KCND2: variants seen among roughly 807,000 people sequenced by gnomAD.
The protein encoded by KCND2 is A-type voltage-gated potassium channel KCND2.
KCND2 carries 16 observed loss-of-function variants against 54.4 expected under a neutral mutation model. The observed-to-expected ratio is 0.29, with a 90% CI of 0.20 to 0.45. The LOEUF is 0.45. Ranked by LOEUF, KCND2 falls within the 20% of genes least tolerant of loss-of-function variation. KCND2 has a pLI of 1.00. For missense variants in KCND2, 486 were observed against 824.2 expected (o/e 0.59, Z 5.02); for synonymous variants, 317 against 310.7 (o/e 1.02, Z -0.21).
At chr7:120,338,730 A>C (rs1408920823) in intron 1 of KCND2, among the ~76,000 whole-genome samples, 2 of 152,100 alleles carry the variant, frequency 1.3e-5, no homozygotes, top group Admixed American at 6.6e-5. Context: ...TAGTTGTATA[A>C]TTGTTTTAAA....
chr7:120,747,980 T>G lies in KCND2; in HGVS notation c.*122T>G. 1 of 815,586 alleles carries G rather than the reference T, an allele frequency of 1.2e-6. No homozygotes were observed. Among genetic ancestry groups the G allele is most frequent in the Non-Finnish European group, 2.0e-6 (1 of 502,724 alleles). 50.5% of individuals were successfully genotyped at this position (815,586 alleles called of 1,614,324 possible). ...TGCAGCAAAGAAAGAAGGTTGGTAG[T>G]GAAACACAAAGCTTCCAATCTTAAG... is the stretch of plus-strand genomic sequence containing the variant. On this transcript the variant is annotated 3_prime_UTR_variant, in exon 6 of 6. Transcript: ENST00000331113.
At chr7:120,725,769 A>G (rs1011721699) in intron 1 of KCND2, among the ~76,000 whole-genome samples, 3 of 152,314 alleles carry the variant, frequency 2.0e-5, no homozygotes, top group Admixed American at 6.5e-5. Flanking sequence ...TAAGTATTCA[A>G]ATGAGAAGTT....
intron 1 of KCND2, among the ~76,000 whole-genome samples, chr7:120,501,155 C>T (rs1444093683): frequency 6.6e-6 from 1 of 152,078 alleles, no homozygotes; most frequent in African/African-American, 2.4e-5. Context: ...TATGCTTTGA[C>T]ATACATCATC....
At chr7:120,512,133 T>C (rs557583029) in intron 1 of KCND2, among the ~76,000 whole-genome samples, 1 of 152,192 alleles carries the variant, frequency 6.6e-6, no homozygotes, top group Admixed American at 6.5e-5. Context: ...TCAGTTCACT[T>C]TTGAGAGCAG....
intron 1 of KCND2, among the ~76,000 whole-genome samples, chr7:120,501,532 ATCACCT>A (rs1230718244): frequency 1.3e-5 from 2 of 152,178 alleles, no homozygotes; most frequent in Non-Finnish European, 2.9e-5. Flanking sequence ...CTTTCAGAGC[ATCACCT>A]TCACAAGAAA....
chr7:120,340,798 A>G (rs1800228923), intron 1 of KCND2, among the ~76,000 whole-genome samples: 1 of 152,202 alleles, frequency 6.6e-6, no homozygotes. Flanking sequence ...GCAATGGTCA[A>G]CACTCTCTAG....
intron 1 of KCND2, among the ~76,000 whole-genome samples, chr7:120,374,766 T>A (rs1800813672): frequency 1.3e-5 from 2 of 151,882 alleles, no homozygotes; most frequent in South Asian, 4.1e-4. Context: ...ACACACTTTG[T>A]CCTTTGACAT....
At position 120,349,327 on chromosome 7, in the gene KCND2, A is replaced by C. The variant is rs62470540; in HGVS notation, c.1115+73580A>C. 8.1e-4 allele frequency among the ~76,000 whole-genome samples: 117 copies of C among 144,382 alleles called. 1 individual carries two copies. The highest frequency in any genetic ancestry group is 7.0e-3 in the Middle Eastern group (2 of 286). 94.7% of individuals were successfully genotyped at this position (144,382 alleles called of 152,430 possible). ...ACACACAAACACACACACACACACA[A>C]ACACACACACACACACACACACAGA... On this transcript the variant is annotated intron_variant, in intron 1 of 5. Transcript: ENST00000331113.
At chr7:120,585,024 A>G (rs1043130528) in intron 1 of KCND2, among the ~76,000 whole-genome samples, 23 of 152,198 alleles carry the variant, frequency 1.5e-4, no homozygotes, top group African/African-American at 5.5e-4. Context: ...GTGGTGGCAT[A>G]TAAGAAGATT....
intron 1 of KCND2, among the ~76,000 whole-genome samples, chr7:120,529,458 AAATTTCAAC>A (rs751501234): frequency 2.1e-4 from 32 of 152,262 alleles, no homozygotes; most frequent in South Asian, 6.2e-4. Context: ...TACCTTGGCT[AAATTTCAAC>A]TATGTCAGTA....
chr7:120,580,316 A>T (rs1456166125), intron 1 of KCND2, among the ~76,000 whole-genome samples: 2 of 152,146 alleles, frequency 1.3e-5, no homozygotes, highest in African/African-American at 4.8e-5. Context: ...TTAAAGCATA[A>T]CCCTTTAGGT....
chr7:120,578,054 GA>G (rs1562877915), intron 1 of KCND2, among the ~76,000 whole-genome samples: 9 of 151,778 alleles, frequency 5.9e-5, no homozygotes, highest in Admixed American at 2.6e-4. Context: ...AGAAGAAGAA[GA>G]AGAAGAAGAA....
At chr7:120,681,196 G>C (rs1792134188) in intron 1 of KCND2, among the ~76,000 whole-genome samples, 1 of 152,088 alleles carries the variant, frequency 6.6e-6, no homozygotes, top group African/African-American at 2.4e-5. Flanking sequence ...TCATTTCAGA[G>C]TGCTGGACTG....
chr7:120,533,456 T>G (rs566236373), intron 1 of KCND2, among the ~76,000 whole-genome samples: 5 of 152,130 alleles, frequency 3.3e-5, no homozygotes, highest in Non-Finnish European at 7.4e-5. Context: ...TTTAAAAAAA[T>G]TTCATATGTG....
At chr7:120,586,214 G>A (rs1792598937) in intron 1 of KCND2, among the ~76,000 whole-genome samples, 1 of 151,778 alleles carries the variant, frequency 6.6e-6, no homozygotes, top group African/African-American at 2.4e-5. Flanking sequence ...AAGTACAGAT[G>A]GCTACAGAAT....
intron 1 of KCND2, among the ~76,000 whole-genome samples, chr7:120,596,283 T>C (rs748852201): frequency 6.6e-6 from 1 of 152,194 alleles, no homozygotes; most frequent in South Asian, 2.1e-4. Flanking sequence ...ATATAGATAA[T>C]TGTGATACCA....
chr7:120,621,276 CAAAAAAAAA>C (rs1175736454), intron 1 of KCND2, among the ~76,000 whole-genome samples: 13 of 47,206 alleles, frequency 2.8e-4, no homozygotes, highest in African/African-American at 8.3e-4. Context: ...GACTCCGTCT[CAAAAAAAAA>C]AAAAAAAAAA....
intron 1 of KCND2, among the ~76,000 whole-genome samples, chr7:120,589,812 C>T (rs1303862973): frequency 6.6e-6 from 1 of 152,026 alleles, no homozygotes; most frequent in Admixed American, 6.5e-5. Flanking sequence ...TCAGTTTATT[C>T]CTATGGAAAA....
intron 1 of KCND2, among the ~76,000 whole-genome samples, chr7:120,644,210 A>G (rs1426190860): frequency 6.6e-6 from 1 of 152,186 alleles, no homozygotes; most frequent in African/African-American, 2.4e-5. Flanking sequence ...ATAGTATGGT[A>G]GGAGTGTCAG....
Sources: allele counts gnomAD v4.1 joint callset (sites outside exome capture counted in the v4.1 genomes callset), GRCh38; gene constraint gnomAD v4.1.1; transcripts MANE v1.5; gene names NCBI Gene and HGNC (gene_info 2026-07-23, HGNC 2026-07-21).